CNTNAP5: variants seen among roughly 807,000 people sequenced by gnomAD.
CNTNAP5 encodes the protein contactin-associated protein-like 5.
In CNTNAP5, 72 loss-of-function variants were observed where a neutral mutation model predicts 150.2. The observed-to-expected ratio is 0.48, with a 90% CI of 0.40 to 0.58. The LOEUF (loss-of-function observed/expected upper bound fraction) is 0.58, where lower values mean the gene tolerates loss of function less well. Among genes scored for constraint, CNTNAP5 ranks in the 20% least tolerant of loss-of-function variants. CNTNAP5 has a pLI of 0.00. For missense variants in CNTNAP5, 1,636 were observed against 1,626.2 expected, an observed-to-expected ratio of 1.01 and a Z score of -0.10; for synonymous variants, 672 against 619.8, an observed-to-expected ratio of 1.08 and a Z score of -1.25.
chr2:124,086,488 C>T (rs1682696110), intron 1 of CNTNAP5, among the ~76,000 whole-genome samples: 1 of 151,458 alleles, frequency 6.6e-6, no homozygotes, highest in Non-Finnish European at 1.5e-5. Context: ...CAAGCGTGAG[C>T]CACTGTACCT....
chr2:124,181,570 G>A (rs183164402), intron 1 of CNTNAP5, among the ~76,000 whole-genome samples: 3 of 152,148 alleles, frequency 2.0e-5, no homozygotes, highest in African/African-American at 4.8e-5. Context: ...AGGTTAAGTG[G>A]ATAAAGTGTC....
intron 19 of CNTNAP5, among the ~76,000 whole-genome samples, chr2:124,818,833 C>G (rs1682424920): frequency 6.6e-6 from 1 of 152,186 alleles, no homozygotes; most frequent in Non-Finnish European, 1.5e-5. Flanking sequence ...CAATCTGGCC[C>G]TTAAAGTTGA....
At chr2:124,772,503 T>C (rs1465939808) in intron 16 of CNTNAP5, among the ~76,000 whole-genome samples, 4 of 151,972 alleles carry the variant, frequency 2.6e-5, no homozygotes, top group East Asian at 1.9e-4. Context: ...CCACAATAGA[T>C]CCAGAAAATC....
At chr2:124,037,256 G>A (rs951031) in intron 1 of CNTNAP5, among the ~76,000 whole-genome samples, 1 of 152,120 alleles carries the variant, frequency 6.6e-6, no homozygotes, top group East Asian at 1.9e-4. Flanking sequence ...CCCACTATTA[G>A]TGTCTGTTCC....
chr2:124,403,737 C>T (rs1691492865), intron 3 of CNTNAP5, among the ~76,000 whole-genome samples: 1 of 152,144 alleles, frequency 6.6e-6, no homozygotes, highest in South Asian at 2.1e-4. Context: ...CGGTCTCATG[C>T]TGCTAATAAA....
At chr2:124,420,897 A>C (rs1250559125) in intron 4 of CNTNAP5, among the ~76,000 whole-genome samples, 2 of 152,220 alleles carry the variant, frequency 1.3e-5, no homozygotes, top group Non-Finnish European at 2.9e-5. Context: ...AACTCTGACT[A>C]ATACAGAATG....
At chr2:124,581,382 T>G (rs1468366384) in intron 11 of CNTNAP5, among the ~76,000 whole-genome samples, 1 of 152,182 alleles carries the variant, frequency 6.6e-6, no homozygotes, top group Non-Finnish European at 1.5e-5. Context: ...CTTTAAAAAG[T>G]CCAATCCTCT....
chr2:124,142,139 G>C (rs1298908822), intron 1 of CNTNAP5, among the ~76,000 whole-genome samples: 1 of 133,160 alleles, frequency 7.5e-6, no homozygotes, highest in Non-Finnish European at 1.6e-5. Flanking sequence ...GATTCATAAA[G>C]CAAGTCCTGA....
At chr2:124,206,159 A>T (rs1301329572) in intron 1 of CNTNAP5, among the ~76,000 whole-genome samples, 1 of 152,214 alleles carries the variant, frequency 6.6e-6, no homozygotes, top group Non-Finnish European at 1.5e-5. Flanking sequence ...GATTAATGCC[A>T]ATGGGCCTTG....
chr2:124,296,048 C>A (rs991397844), intron 3 of CNTNAP5, among the ~76,000 whole-genome samples: 1 of 150,788 alleles, frequency 6.6e-6, no homozygotes, highest in Non-Finnish European at 1.5e-5. Flanking sequence ...TATATAGTAC[C>A]TTTCCCTTCT....
intron 8 of CNTNAP5, among the ~76,000 whole-genome samples, chr2:124,515,955 G>C (rs77946765): frequency 0.035 from 5,366 of 152,184 alleles, 208 homozygotes; most frequent in Admixed American, 0.089. Context: ...TGATAACCTT[G>C]CTCTTTAGGT....
chr2:124,803,421 G>A (rs1682013703), intron 19 of CNTNAP5, among the ~76,000 whole-genome samples: 1 of 152,062 alleles, frequency 6.6e-6, no homozygotes, highest in African/African-American at 2.4e-5. Flanking sequence ...ATCAATTTCT[G>A]TTTCTATTCT....
intron 8 of CNTNAP5, among the ~76,000 whole-genome samples, chr2:124,504,774 T>A (rs111445029): frequency 0.13 from 18,826 of 147,702 alleles, 1,554 homozygotes; most frequent in Non-Finnish European, 0.19. Context: ...TGGCTCGATC[T>A]CAGCTCACTG....
At chr2:124,351,085 C>A (rs758833855) in intron 3 of CNTNAP5, among the ~76,000 whole-genome samples, 3 of 152,186 alleles carry the variant, frequency 2.0e-5, no homozygotes, top group Non-Finnish European at 4.4e-5. Context: ...TTGATAGTTA[C>A]ATTTCTCTAG....
At chr2:124,208,803 A>T (rs1334515034) in intron 1 of CNTNAP5, among the ~76,000 whole-genome samples, 1 of 152,202 alleles carries the variant, frequency 6.6e-6, no homozygotes, top group East Asian at 1.9e-4. Context: ...CAATTTATTC[A>T]TGTTCTAAAT....
intron 1 of CNTNAP5, among the ~76,000 whole-genome samples, chr2:124,155,901 T>A (rs1684514622): frequency 6.6e-6 from 1 of 152,170 alleles, no homozygotes; most frequent in African/African-American, 2.4e-5. Context: ...CTATTGCAAA[T>A]TCTGGGGGCA....
At chr2:124,287,412 A>G (rs529170088) in intron 3 of CNTNAP5, among the ~76,000 whole-genome samples, 1 of 152,272 alleles carries the variant, frequency 6.6e-6, no homozygotes, top group African/African-American at 2.4e-5. Context: ...ATGTTTTTCT[A>G]CCATGTCCCT....
intron 3 of CNTNAP5, among the ~76,000 whole-genome samples, chr2:124,263,806 A>C (rs1248965217): frequency 6.6e-6 from 1 of 152,184 alleles, no homozygotes; most frequent in African/African-American, 2.4e-5. Context: ...TCTTTAATCC[A>C]TCTTGAATTA....
At chr2:124,464,701 T>G (rs1361904461) in intron 6 of CNTNAP5, among the ~76,000 whole-genome samples, 1 of 152,168 alleles carries the variant, frequency 6.6e-6, no homozygotes, top group African/African-American at 2.4e-5. Context: ...TCAGGCTAAT[T>G]TTTAAAAATC....
Sources: gnomAD v4.1 joint callset for allele counts (sites outside exome capture counted in the v4.1 genomes callset) on GRCh38, gnomAD v4.1.1 for gene constraint, MANE v1.5 for transcripts, NCBI Gene and HGNC (gene_info 2026-07-23, HGNC 2026-07-21) for gene names.